AUTS2: variants seen among roughly 807,000 people sequenced by gnomAD.
AUTS2 encodes the protein autism susceptibility gene 2 protein.
A neutral mutation model predicts 112.4 loss-of-function variants in AUTS2; 17 were observed. The observed-to-expected ratio is 0.15, with a 90% CI of 0.10 to 0.23. The LOEUF is 0.23. AUTS2 is among the 10% of genes least tolerant of loss of function. The pLI is 1.00. For synonymous variants in AUTS2, 751 were observed against 702.7 expected, an observed-to-expected ratio of 1.07 and a Z score of -1.09; for missense variants, 1,510 against 1,701.6, an observed-to-expected ratio of 0.89 and a Z score of 1.98.
intron 4 of AUTS2, among the ~76,000 whole-genome samples, chr7:70,356,815 G>A (rs983065748): frequency 7.2e-5 from 11 of 152,052 alleles, no homozygotes; most frequent in South Asian, 2.1e-4. Flanking sequence ...AACAAAGGGC[G>A]TTTTTATGAT....
At chr7:69,863,256 C>G (rs1449664132) in intron 1 of AUTS2, among the ~76,000 whole-genome samples, 1 of 152,138 alleles carries the variant, frequency 6.6e-6, no homozygotes, top group Non-Finnish European at 1.5e-5. Flanking sequence ...TCTCATTATT[C>G]CCTAAACAAT....
intron 4 of AUTS2, among the ~76,000 whole-genome samples, chr7:70,303,473 C>CACACACAG (rs1789339045): frequency 6.6e-6 from 1 of 151,496 alleles, no homozygotes; most frequent in African/African-American, 2.4e-5. Context: ...CACACACACA[C>CACACACAG]AGTGCTGCTG....
At chr7:70,443,338 T>A (rs186902896) in intron 5 of AUTS2, among the ~76,000 whole-genome samples, 67 of 152,308 alleles carry the variant, frequency 4.4e-4, no homozygotes, top group African/African-American at 1.5e-3. Flanking sequence ...ACTCACCAGC[T>A]GTATGGCCTT....
intron 4 of AUTS2, among the ~76,000 whole-genome samples, chr7:70,245,476 A>G (rs942361115): frequency 2.0e-5 from 3 of 152,004 alleles, no homozygotes; most frequent in Non-Finnish European, 2.9e-5. Flanking sequence ...CTAAACAGTG[A>G]TATTTGTTTT....
chr7:70,660,244 G>A (rs1295559028), intron 5 of AUTS2, among the ~76,000 whole-genome samples: 1 of 152,066 alleles, frequency 6.6e-6, no homozygotes, highest in East Asian at 1.9e-4. Flanking sequence ...TGGCATCCTT[G>A]GCAGGGTCTA....
intron 1 of AUTS2, among the ~76,000 whole-genome samples, chr7:69,664,699 GC>G (rs1483053283): frequency 4.6e-5 from 7 of 152,148 alleles, no homozygotes; most frequent in African/African-American, 1.7e-4. Flanking sequence ...TGTAGGCATC[GC>G]CCCAAACCCC....
intron 1 of AUTS2, among the ~76,000 whole-genome samples, chr7:69,675,972 G>T (rs1281872397): frequency 6.6e-6 from 1 of 152,138 alleles, no homozygotes; most frequent in Non-Finnish European, 1.5e-5. Flanking sequence ...TCATCCATGT[G>T]CTTGTAGAAG....
At chr7:70,117,118 T>G (rs6951107) in intron 2 of AUTS2, among the ~76,000 whole-genome samples, 3 of 90,674 alleles carry the variant, frequency 3.3e-5, no homozygotes, top group Admixed American at 1.9e-4. Flanking sequence ...TTTTTTTTTG[T>G]TTTTTTTTGT....
chr7:70,015,850 G>GTTGTTT (rs1230345197), intron 2 of AUTS2, among the ~76,000 whole-genome samples: 77 of 145,506 alleles, frequency 5.3e-4, no homozygotes, highest in African/African-American at 1.8e-3. Context: ...TGTTGTTGTT[G>GTTGTTT]TTGTTGTTGT....
intron 1 of AUTS2, among the ~76,000 whole-genome samples, chr7:69,714,368 G>A (rs633927): frequency 0.85 from 128,663 of 151,592 alleles, 54,843 homozygotes; most frequent in African/African-American, 0.93. Context: ...TCAGCCTCCC[G>A]AAGTATTGAG....
chr7:70,509,389 G>A (rs1048671187), intron 5 of AUTS2, among the ~76,000 whole-genome samples: 41 of 152,286 alleles, frequency 2.7e-4, no homozygotes, highest in African/African-American at 9.1e-4. Context: ...GGAAGGTTGG[G>A]AAAGTACCCT....
At chr7:70,713,678 A>G (rs1054983295) in intron 6 of AUTS2, among the ~76,000 whole-genome samples, 1 of 152,090 alleles carries the variant, frequency 6.6e-6, no homozygotes, top group East Asian at 1.9e-4. Context: ...GCGGATCACG[A>G]GGTCAGGAGA....
chr7:70,427,269 G>C (rs901904960), intron 4 of AUTS2, among the ~76,000 whole-genome samples: 1 of 152,160 alleles, frequency 6.6e-6, no homozygotes, highest in Non-Finnish European at 1.5e-5. Flanking sequence ...AAGCTTAAAA[G>C]AGATCATTTA....
intron 1 of AUTS2, among the ~76,000 whole-genome samples, chr7:69,864,038 T>G (rs1326233941): frequency 2.0e-5 from 3 of 152,124 alleles, no homozygotes; most frequent in Non-Finnish European, 2.9e-5. Flanking sequence ...GGAGTCTTAG[T>G]CCCAAGCAAA....
intron 1 of AUTS2, among the ~76,000 whole-genome samples, chr7:69,892,624 G>T (rs993266417): frequency 2.0e-5 from 3 of 152,150 alleles, no homozygotes; most frequent in African/African-American, 7.2e-5. Context: ...AATTCTTGAA[G>T]TGTAATTTAT....
At chr7:69,792,430 G>T (rs1194386209) in intron 1 of AUTS2, among the ~76,000 whole-genome samples, 1 of 151,744 alleles carries the variant, frequency 6.6e-6, no homozygotes, top group African/African-American at 2.4e-5. Flanking sequence ...TAGTAGAGAC[G>T]GGGTTTCACC....
chr7:70,291,021 C>G (rs1160620996), intron 4 of AUTS2: 1 of 152,190 alleles, frequency 6.6e-6, no homozygotes, highest in East Asian at 1.9e-4. Context: ...ATCTTATAGT[C>G]TGCAGCTGAT....
At chr7:69,799,288 G>C (rs1006873485) in intron 1 of AUTS2, among the ~76,000 whole-genome samples, 1 of 152,050 alleles carries the variant, frequency 6.6e-6, no homozygotes, top group South Asian at 2.1e-4. Context: ...GGGAGTCTAC[G>C]TTGTCTTCAT....
chr7:69,933,215 G>A (rs1306986711), intron 2 of AUTS2, among the ~76,000 whole-genome samples: 2 of 152,272 alleles, frequency 1.3e-5, no homozygotes, highest in East Asian at 1.9e-4. Flanking sequence ...TCATGTGTGC[G>A]CACAGGTGTC....
Sources: allele counts gnomAD v4.1 joint callset (sites outside exome capture counted in the v4.1 genomes callset), GRCh38; gene constraint gnomAD v4.1.1; transcripts MANE v1.5; gene names NCBI Gene and HGNC (gene_info 2026-07-23, HGNC 2026-07-21).